SHISA9: variants seen among roughly 807,000 people sequenced by gnomAD.
SHISA9 encodes the protein protein shisa-9.
In SHISA9, 13 loss-of-function variants were observed where a neutral mutation model predicts 38.0. The ratio of observed to expected loss-of-function variants is 0.34; its 90% CI spans 0.22 to 0.54. The LOEUF is 0.54. Among genes scored for constraint, SHISA9 ranks in the 20% least tolerant of loss-of-function variants. The probability of loss-of-function intolerance (pLI) is 0.91; values close to 1 mark genes in which losing one functional copy is unlikely to be tolerated. For missense variants in SHISA9, 538 were observed against 575.8 expected (o/e 0.93, Z 0.67); for synonymous variants, 275 against 242.0 (o/e 1.14, Z -1.27).
chr16:13,342,044 C>T, the SHISA9 span, among the ~76,000 whole-genome samples: 1 of 152,122 alleles, frequency 6.6e-6, no homozygotes, highest in Non-Finnish European at 1.5e-5. Flanking sequence ...CCCAAATCTA[C>T]CCACTTCCTC....
chr16:13,367,505 C>T, the SHISA9 span, among the ~76,000 whole-genome samples: 1 of 151,628 alleles, frequency 6.6e-6, no homozygotes, highest in South Asian at 2.1e-4. Context: ...AAGCCATTGG[C>T]TCAAATTCTT....
At position 12,934,372 on chromosome 16, in the gene SHISA9, C is replaced by A. The variant is rs972854430; in HGVS notation, c.691+17557C>A. Reference sequence around the variant, plus strand: ...TTGAACACTAGTCCTTTGAAATGTTCTTCAAAATTAGAGTTCCTTGGCCAA... The same window carrying A: ...TTGAACACTAGTCCTTTGAAATGTTATTCAAAATTAGAGTTCCTTGGCCAA... On this transcript the variant is annotated intron_variant, in intron 2 of 4. Coordinates refer to ENST00000558583, the MANE Select transcript of SHISA9 (RefSeq NM_001145204.3). 1.3e-5 allele frequency among the ~76,000 whole-genome samples: 2 copies of A among 152,138 alleles called. 1 individual carries two copies. Among genetic ancestry groups the A allele is most frequent in the African/African-American group, 4.8e-5 (2 of 41,426 alleles).
chr16:13,446,391 A>G, the SHISA9 span, among the ~76,000 whole-genome samples: 1 of 152,216 alleles, frequency 6.6e-6, no homozygotes, highest in Non-Finnish European at 1.5e-5. Context: ...GGAGGCAAAG[A>G]TGTTGGAACT....
At chr16:13,390,753 C>T in the SHISA9 span, among the ~76,000 whole-genome samples, 1 of 152,112 alleles carries the variant, frequency 6.6e-6, no homozygotes, top group Non-Finnish European at 1.5e-5. Flanking sequence ...GAGATCAGCA[C>T]GCTGGGTGAC....
chr16:13,466,305 C>T, the SHISA9 span, among the ~76,000 whole-genome samples: 142 of 152,170 alleles, frequency 9.3e-4, 3 homozygotes, highest in Non-Finnish European at 1.9e-4. Context: ...TCTGGACAAT[C>T]AAGGGGAAAT....
rs2071016638 is a variant in SHISA9, at chr16:12,901,762, C to T, written c.-303C>T. ...CTCCACCCCCGCCTCACCCAGTGGC[C>T]GGCCGGACCTGCACCCCGCGCTTGA... is the stretch of plus-strand genomic sequence containing the variant. On this transcript the variant is annotated 5_prime_UTR_variant, in exon 1 of 5. Transcript: ENST00000558583. 2 of 148,336 alleles carry T rather than the reference C, an allele frequency of 1.3e-5. No homozygotes were observed. Among genetic ancestry groups the T allele is most frequent in the Non-Finnish European group, 3.0e-5 (2 of 66,646 alleles). The allele number at this position is 148,336 out of a possible 1,614,324, so 9.2% of individuals were successfully genotyped here. A position where few individuals can be genotyped will look rare whatever the true frequency, so the allele number is the denominator to read the frequency against.
chr16:13,511,032 T>C, the SHISA9 span, among the ~76,000 whole-genome samples: 1 of 152,202 alleles, frequency 6.6e-6, no homozygotes, highest in Non-Finnish European at 1.5e-5. Context: ...TAGCACATGG[T>C]TCAGTTTGGA....
chr16:13,171,374 T>C lies in SHISA9; in HGVS notation c.692-32020T>C, dbSNP rs560287637. ...TTCTAGTTCATGGAAAGCTACACATTAATCAACAAATCACAGAGACTGGCG... is the reference window on the plus strand; with the variant it reads ...TTCTAGTTCATGGAAAGCTACACATCAATCAACAAATCACAGAGACTGGCG... On this transcript the variant is annotated intron_variant, in intron 2 of 4. Transcript: ENST00000558583. 3.7e-4 allele frequency among the ~76,000 whole-genome samples: 56 copies of C among 151,834 alleles called. No individual in the cohort carries two copies. In the Middle Eastern group the frequency reaches 0.01, roughly 28 times the overall value.
chr16:13,433,986 C>T, the SHISA9 span, among the ~76,000 whole-genome samples: 1 of 152,142 alleles, frequency 6.6e-6, no homozygotes, highest in Admixed American at 6.5e-5. Context: ...AAGGTGAGGT[C>T]CCATAATAAG....
chr16:13,196,784 G>A (rs2050947557), intron 2 of SHISA9, among the ~76,000 whole-genome samples: 3 of 152,132 alleles, frequency 2.0e-5, no homozygotes, highest in Admixed American at 2.0e-4. Context: ...TCATAGTAAA[G>A]AGTTTGTTTA....
chr16:13,117,348 A>G (rs2074040289), intron 2 of SHISA9, among the ~76,000 whole-genome samples: 1 of 152,158 alleles, frequency 6.6e-6, no homozygotes, highest in Non-Finnish European at 1.5e-5. Flanking sequence ...AATACACATA[A>G]ATACAGCAGA....
At chr16:12,958,135 C>A (rs2071861399) in intron 2 of SHISA9, among the ~76,000 whole-genome samples, 1 of 152,176 alleles carries the variant, frequency 6.6e-6, no homozygotes, top group Non-Finnish European at 1.5e-5. Context: ...CCAAATGGGC[C>A]CCGACATCAC....
chr16:13,290,791 C>A, the SHISA9 span, among the ~76,000 whole-genome samples: 1 of 152,084 alleles, frequency 6.6e-6, no homozygotes, highest in Non-Finnish European at 1.5e-5. Flanking sequence ...CTGAAAGGGG[C>A]CTTGGGACTT....
chr16:13,032,731 G>T (rs776606855), intron 2 of SHISA9, among the ~76,000 whole-genome samples: 5 of 152,104 alleles, frequency 3.3e-5, no homozygotes, highest in South Asian at 2.1e-4. Flanking sequence ...AAGCAGAAAG[G>T]TCCTGAATTA....
the SHISA9 span, among the ~76,000 whole-genome samples, chr16:13,464,218 G>T: frequency 6.6e-6 from 1 of 152,218 alleles, no homozygotes; most frequent in East Asian, 1.9e-4. Context: ...AGCACTTAGG[G>T]TTTAATTAAG....
the SHISA9 span, among the ~76,000 whole-genome samples, chr16:13,493,875 A>C: frequency 6.6e-6 from 1 of 152,140 alleles, no homozygotes; most frequent in South Asian, 2.1e-4. Flanking sequence ...TTACACCAGG[A>C]ATATAATTGG....
chr16:12,989,569 G>A (rs1596567823), intron 2 of SHISA9, among the ~76,000 whole-genome samples: 1 of 152,070 alleles, frequency 6.6e-6, no homozygotes, highest in African/African-American at 2.4e-5. Flanking sequence ...CAGCTTGAAA[G>A]GTTTGGGACT....
the SHISA9 span, among the ~76,000 whole-genome samples, chr16:13,395,700 G>T: frequency 6.6e-6 from 1 of 152,174 alleles, no homozygotes; most frequent in Non-Finnish European, 1.5e-5. Flanking sequence ...GCTTATTGTT[G>T]TGCCTCCAGA....
the SHISA9 span, among the ~76,000 whole-genome samples, chr16:13,440,523 C>T: frequency 6.6e-6 from 1 of 152,188 alleles, no homozygotes; most frequent in Non-Finnish European, 1.5e-5. Flanking sequence ...AAGACTGACG[C>T]CCCCTTTGCA....
Sources: gnomAD v4.1 joint callset for allele counts (sites outside exome capture counted in the v4.1 genomes callset) on GRCh38, gnomAD v4.1.1 for gene constraint, MANE v1.5 for transcripts, NCBI Gene and HGNC (gene_info 2026-07-23, HGNC 2026-07-21) for gene names.